Variants in ACSM3 observed in about 807,000 individuals in gnomAD.
ACSM3 encodes the protein acyl-CoA synthetase medium chain family member 3.
ACSM3 carries 61 observed loss-of-function variants against 74.1 expected under a neutral mutation model. The ratio of observed to expected loss-of-function variants is 0.82; its 90% confidence interval spans 0.67 to 1.02. The LOEUF (loss-of-function observed/expected upper bound fraction) is 1.02, where lower values mean the gene tolerates loss of function less well. Ranked by LOEUF, ACSM3 falls within the 50% of genes least tolerant of loss-of-function variation. The pLI is 0.00. For synonymous variants in ACSM3, 213 were observed against 241.5 expected (o/e 0.88, Z 1.09); for missense variants, 660 against 697.0 (o/e 0.95, Z 0.60).
At chr16:20,781,841 T>G in intron 7 of ACSM3, 54 bp downstream of exon 7, 1 of 1,375,762 alleles carries the variant, frequency 7.3e-7, no homozygotes, top group Non-Finnish European at 1.0e-6. Context: ...AAGAGGAAGC[T>G]ATAAAATAAA....
intron 1 of ACSM3, among the ~76,000 whole-genome samples, chr16:20,767,381 G>A (rs1202920562): frequency 1.6e-5 from 1 of 62,480 alleles, no homozygotes; most frequent in Admixed American, 1.4e-4. Context: ...GCCGGGCGTA[G>A]TGGCGGGCGC....
intron 1 of ACSM3, chr16:20,729,122 A>G: frequency 2.0e-6 from 1 of 500,606 alleles, no homozygotes; most frequent in South Asian, 2.6e-5. Context: ...TATAAAATAA[A>G]TAATTTCCTT....
intron 1 of ACSM3, among the ~76,000 whole-genome samples, chr16:20,743,361 G>A (rs1305531826): frequency 6.6e-6 from 1 of 152,144 alleles, no homozygotes; most frequent in Non-Finnish European, 1.5e-5. Flanking sequence ...TTAAAACCAA[G>A]GATGTTGGCT....
rs74376772 is a variant in ACSM3, at chr16:20,746,237, G to A, written c.-189-3673G>A. On this transcript the variant is annotated intron_variant, in intron 1 of 3. Transcript: ENST00000561584. ...CTCAGCCACTGTTCAGTCAACATGT[G>A]CTTAAAAACAGCTGCTTTCAGACTC... is the stretch of plus-strand genomic sequence containing the variant. Among the ~76,000 whole-genome samples the A allele has an allele frequency of 2.5e-3, 378 of 152,280 alleles. 12 individuals carry two copies. In the East Asian group the frequency reaches 0.067, roughly 27 times the overall value.
chr16:20,742,931 T>C (rs948447109), intron 1 of ACSM3, among the ~76,000 whole-genome samples: 14 of 150,552 alleles, frequency 9.3e-5, no homozygotes, highest in African/African-American at 3.2e-4. Flanking sequence ...AGGTATTGTA[T>C]GTTTGTCTAT....
chr16:20,696,478 T>A (rs1053713790), intron 1 of ACSM3, among the ~76,000 whole-genome samples: 3 of 152,262 alleles, frequency 2.0e-5, no homozygotes, highest in Admixed American at 6.5e-5. Context: ...GAAAAGCCAG[T>A]GTGCCCACAA....
At chr16:20,719,301 G>C (rs1328946441) in intron 1 of ACSM3, 1 of 247,144 alleles carries the variant, frequency 4.0e-6, no homozygotes, top group Non-Finnish European at 8.6e-6. Context: ...GGCCACCTTT[G>C]GCAGTATATT....
At chr16:20,759,305 C>T (rs190434699), upstream of ACSM3, among the ~76,000 whole-genome samples, 380 of 152,238 alleles carry the variant, frequency 2.5e-3, no homozygotes, top group Non-Finnish European at 4.3e-3. Context: ...CGCCTGTAAT[C>T]CCAGCACTTT....
intron 1 of ACSM3, among the ~76,000 whole-genome samples, chr16:20,711,017 C>T (rs1405366512): frequency 2.0e-5 from 3 of 151,512 alleles, no homozygotes; most frequent in South Asian, 2.1e-4. Context: ...ACCTGGGAGG[C>T]GGAGGTTGCA....
intron 12 of ACSM3, among the ~76,000 whole-genome samples, chr16:20,794,734 CATT>C (rs1450848300): frequency 1.3e-5 from 2 of 152,208 alleles, no homozygotes; most frequent in African/African-American, 4.8e-5. Flanking sequence ...TATGCTAATT[CATT>C]TAATCATCAT....
At chr16:20,760,812 A>G (rs984546827), upstream of ACSM3, among the ~76,000 whole-genome samples, 1 of 152,176 alleles carries the variant, frequency 6.6e-6, no homozygotes, top group Non-Finnish European at 1.5e-5. Context: ...CATCTTTACT[A>G]TGTATTTCCA....
intron 2 of ACSM3, among the ~76,000 whole-genome samples, chr16:20,772,357 G>C (rs925056107): frequency 5.3e-5 from 8 of 151,534 alleles, no homozygotes; most frequent in African/African-American, 1.9e-4. Context: ...CTCAGGATCT[G>C]CCCAATTTTA....
chr16:20,693,355 C>T (rs2079673127), intron 1 of ACSM3, among the ~76,000 whole-genome samples: 1 of 152,146 alleles, frequency 6.6e-6, no homozygotes, highest in Admixed American at 6.5e-5. Context: ...ATGCTGCCAA[C>T]ATGACAGCAG....
At chr16:20,794,140 G>A (rs542606812) in intron 12 of ACSM3, among the ~76,000 whole-genome samples, 102 of 152,296 alleles carry the variant, frequency 6.7e-4, no homozygotes, top group African/African-American at 2.4e-3. Flanking sequence ...CTCCCTTTCT[G>A]CTGCCAGGCC....
intron 1 of ACSM3, chr16:20,691,298 G>T: frequency 2.1e-6 from 2 of 974,228 alleles, no homozygotes; most frequent in East Asian, 2.8e-5. Context: ...CCTAAATTGG[G>T]TGCATGTTTT....
chr16:20,708,812 T>C (rs1441275648), intron 1 of ACSM3, among the ~76,000 whole-genome samples: 1 of 152,198 alleles, frequency 6.6e-6, no homozygotes, highest in Non-Finnish European at 1.5e-5. Flanking sequence ...ATACTCCAAA[T>C]ATGCTTGAAC....
intron 1 of ACSM3, chr16:20,728,468 C>A (rs2152404238): frequency 1.6e-6 from 2 of 1,259,580 alleles, no homozygotes; most frequent in Non-Finnish European, 2.3e-6. Flanking sequence ...CACAGCCCTT[C>A]TGTTTCTTCT....
chr16:20,723,365 G>C (rs1167752512), intron 1 of ACSM3, among the ~76,000 whole-genome samples: 2 of 152,136 alleles, frequency 1.3e-5, no homozygotes, highest in South Asian at 2.1e-4. Context: ...TGTCTTTATA[G>C]CAGCATGATT....
intron 1 of ACSM3, among the ~76,000 whole-genome samples, chr16:20,702,051 T>G (rs748136759): frequency 6.6e-6 from 1 of 152,224 alleles, no homozygotes; most frequent in Non-Finnish European, 1.5e-5. Flanking sequence ...CCTTTAGGTA[T>G]ATACCCAGTA....
Sources: allele counts gnomAD v4.1 joint callset (sites outside exome capture counted in the v4.1 genomes callset), GRCh38; gene constraint gnomAD v4.1.1; transcripts MANE v1.5; gene names NCBI Gene and HGNC (gene_info 2026-07-23, HGNC 2026-07-21).